The following MIEN1 variants were observed in gnomAD, a reference collection of about 807,000 sequenced individuals.
MIEN1 encodes HBV X-transactivated gene 4 protein.
A neutral mutation model predicts 15.5 loss-of-function variants in MIEN1; 12 were observed. The ratio of observed to expected loss-of-function variants is 0.78; its 90% CI spans 0.50 to 1.26. MIEN1 has a LOEUF of 1.26. Among genes scored for constraint, MIEN1 ranks in the 50% most tolerant of loss-of-function variants. MIEN1 has a pLI of 0.00. For synonymous variants in MIEN1, 63 were observed against 62.8 expected (o/e 1.00, Z -0.02); for missense variants, 160 against 151.7 (o/e 1.05, Z -0.29).
rs1396636001 is a variant in MIEN1 at position 39,729,450 on chromosome 17, G to A, written c.*72C>T. Reference sequence around the variant, plus strand: ...TAAGTAGGGGAAAGAGGCAGGGGGAGCTCCCAGCAGGACCAAAGGGAGACC... The same window carrying A: ...TAAGTAGGGGAAAGAGGCAGGGGGAACTCCCAGCAGGACCAAAGGGAGACC... On this transcript the variant is annotated 3_prime_UTR_variant, in exon 4 of 4. Coordinates refer to ENST00000394231, the MANE Select transcript of MIEN1 (RefSeq NM_032339.5). 5 of 1,588,016 alleles carry A rather than the reference G, an allele frequency of 3.1e-6. No individual in the cohort carries two copies. Among genetic ancestry groups the A allele is most frequent in the Non-Finnish European group, 3.4e-6 (4 of 1,160,994 alleles).
rs1408347903 is a variant in MIEN1, at chr17:39,728,679, T to G, written c.*843A>C. 4.3e-6 allele frequency: 1 copy of G among 230,778 alleles called. No homozygotes were observed. The highest frequency in any genetic ancestry group is 2.2e-5 in the African/African-American group (1 of 45,256). 14.3% of individuals were successfully genotyped at this position (230,778 alleles called of 1,614,324 possible). On this transcript the variant is annotated 3_prime_UTR_variant, in exon 4 of 4. Coordinates refer to ENST00000394231, the MANE Select transcript of MIEN1 (RefSeq NM_032339.5). ...AAACAGCTAGGCACCGGCCTATGTC[T>G]GGGGGTGGCTCTGTGCCATCCCTTC...
At chr17:39,730,062 G>A (rs1261479211) in intron 2 of MIEN1, 132 bp downstream of exon 2, 1 of 905,446 alleles carries the variant, frequency 1.1e-6, no homozygotes, top group Non-Finnish European at 1.7e-6. Context: ...GGGAACTCAT[G>A]TTGGCCGGAC....
At chr17:39,730,110 A>G in intron 2 of MIEN1, 84 bp downstream of exon 2, 1 of 1,334,844 alleles carries the variant, frequency 7.5e-7, no homozygotes, top group Admixed American at 2.0e-5. Flanking sequence ...CACTTTACAT[A>G]AAGCAGCCAA....
In MIEN1 at chr17:39,729,178, A is replaced by G. The variant is rs2059917463; in HGVS notation, c.*344T>C. 3.1e-6 allele frequency: 1 copy of G among 322,890 alleles called. No individual in the cohort carries two copies. Among genetic ancestry groups the G allele is most frequent in the Non-Finnish European group, 5.8e-6 (1 of 172,216 alleles). 20.0% of individuals were successfully genotyped at this position (322,890 alleles called of 1,614,324 possible). Reference sequence around the variant, plus strand: ...GCATTAGTGTTTGTAGCGCCACTTTACTGCCAATAGCTGACATTGCCCTGG... The same window carrying G: ...GCATTAGTGTTTGTAGCGCCACTTTGCTGCCAATAGCTGACATTGCCCTGG... On this transcript the variant is annotated 3_prime_UTR_variant, in exon 4 of 4. Transcript: ENST00000394231.
chr17:39,729,735 G>T lies in MIEN1; in HGVS notation c.214C>A (p.Gln72Lys), dbSNP rs757244848. 3 of 1,614,134 alleles carry T rather than the reference G, an allele frequency of 1.9e-6. No homozygotes were observed. The highest frequency in any genetic ancestry group is 2.5e-6 in the Non-Finnish European group (3 of 1,180,008). The change falls in exon 3 of 4, where the codon CAG becomes AAG. Residue 72 changes from glutamine (Q) to lysine (K), a missense_variant. By Grantham distance (53) the Gln-to-Lys change is moderately conservative. Transcript: ENST00000394231. Reference sequence around the variant, plus strand: ...TTCTCCAGCTTGGAGAACACCAGCTGTCCATTTATCTCTATCTCAAAGGCA... The same window carrying T: ...TTCTCCAGCTTGGAGAACACCAGCTTTCCATTTATCTCTATCTCAAAGGCA... ...TGAFEIEING[Q>K]LVFSKLENGG...
In MIEN1 at chr17:39,730,401, G is replaced by A. The variant is rs1466173014; in HGVS notation, c.89+6C>T. 4 of 1,553,056 alleles carry A rather than the reference G, an allele frequency of 2.6e-6. No individual in the cohort carries two copies. Among genetic ancestry groups the A allele is most frequent in the Admixed American group, 1.9e-5 (1 of 51,286 alleles). On this transcript the variant is annotated splice_donor_region_variant and intron_variant, in intron 1 of 3. Transcript: ENST00000394231. ...GGGTGCGGGTCCTCCAGCCGGGGCC[G>A]CTCACCAGTACTCCACCACGATGCG... is the stretch of plus-strand genomic sequence containing the variant.
Position 39,729,344 on chromosome 17 carries a change from G to T in MIEN1, c.*178C>A. The T allele has an allele frequency of 1.4e-6, 1 of 723,254 alleles. No homozygotes were observed. 44.8% of individuals were successfully genotyped at this position (723,254 alleles called of 1,614,324 possible). On this transcript the variant is annotated 3_prime_UTR_variant, in exon 4 of 4. Transcript: ENST00000394231. ...TGTTCATGGAGAGTGTCTCTCTCCT[G>T]CCCCCAAGGCCACGGAATCTTCTAT...
rs762476135 is a variant in MIEN1, at chr17:39,729,675, A to T, written c.264+10T>A. On this transcript the variant is annotated intron_variant, in intron 3 of 3. Coordinates refer to ENST00000394231, the MANE Select transcript of MIEN1 (RefSeq NM_032339.5). ...GACCAAGAGGTCCTCCCAACGCTGT[A>T]AATACTCACATCTTTCTCATAGGGA... 1 of 1,614,174 alleles carries T rather than the reference A, an allele frequency of 6.2e-7. No individual in the cohort carries two copies. The highest frequency in any genetic ancestry group is 1.7e-5 in the Admixed American group (1 of 60,030).
In MIEN1 at chr17:39,728,767, T is replaced by C. The variant is rs534857278; in HGVS notation, c.*755A>G. The C allele has an allele frequency of 4.7e-6, 1 of 214,202 alleles. No individual in the cohort carries two copies. Among genetic ancestry groups the C allele is most frequent in the Non-Finnish European group, 9.4e-6 (1 of 105,984 alleles). 13.3% of individuals were successfully genotyped at this position (214,202 alleles called of 1,614,324 possible). On this transcript the variant is annotated 3_prime_UTR_variant, in exon 4 of 4. Transcript: ENST00000394231. ...GAGTGGCTGGGAATCTTCAGAAAGC[T>C]TGGATGAGGAGCCAGACATCCAGTT...
chr17:39,729,664 C>T (rs2059922989), intron 3 of MIEN1, 21 bp downstream of exon 3: 1 of 1,614,164 alleles, frequency 6.2e-7, no homozygotes, highest in African/African-American at 1.3e-5. Flanking sequence ...AAGAGGTCCT[C>T]CCAACGCTGT....
At chr17:39,729,901 C>T in intron 2 of MIEN1, 140 bp from the exon 3 acceptor site, 1 of 1,132,610 alleles carries the variant, frequency 8.8e-7, no homozygotes, top group South Asian at 1.4e-5. Context: ...AATTCCCCAA[C>T]CCTGGGTCAA....
intron 2 of MIEN1, 146 bp from the exon 3 acceptor site, chr17:39,729,907 G>A: frequency 9.4e-7 from 1 of 1,062,684 alleles, no homozygotes; most frequent in Non-Finnish European, 1.4e-6. Context: ...CCAACCCTGG[G>A]TCAACTCCAG....
rs2059926273 is a variant in MIEN1 at position 39,729,929 on chromosome 17, G to A, written c.188-168C>T. On this transcript the variant is annotated intron_variant, in intron 2 of 3. Coordinates refer to ENST00000394231, the MANE Select transcript of MIEN1 (RefSeq NM_032339.5). ...TGGGTCAACTCCAGGGAACCTGAGG[G>A]AGGCCTCGCCTGTGTGCCCCTCGCA... 7 of 865,140 alleles carry A rather than the reference G, an allele frequency of 8.1e-6. No homozygotes were observed. In the South Asian group the frequency reaches 1.2e-4, roughly 14 times the overall value. The allele number at this position is 865,140 out of a possible 1,614,324, so 53.6% of individuals were successfully genotyped here.
Position 39,730,439 on chromosome 17 carries a change from C to G in MIEN1, c.57G>C (p.Pro19=). 2 of 1,551,606 alleles carry G rather than the reference C, an allele frequency of 1.3e-6. No homozygotes were observed. Among genetic ancestry groups the G allele is most frequent in the Non-Finnish European group, 1.7e-6 (2 of 1,149,158 alleles). Residue 19 remains proline (P), a synonymous_variant, in exon 1 of 4, where the codon CCG becomes CCC. Coordinates refer to ENST00000394231, the MANE Select transcript of MIEN1 (RefSeq NM_032339.5). ...SVAPPPEEVE[P]GSGVRIVVEY... is the part of the protein sequence containing the mutation. ...CCACCACGATGCGGACCCCACTGCC[C>G]GGCTCGACCTCCTCGGGAGGGGGCG...
rs1348431995 is a variant in MIEN1, at chr17:39,730,489, C to T, written c.7G>A (p.Gly3Arg). The change falls in exon 1 of 4, where the codon GGG becomes AGG. Residue 3 changes from glycine to arginine, a missense_variant. Coordinates refer to ENST00000394231, the MANE Select transcript of MIEN1 (RefSeq NM_032339.5). MSGEPGQTSVAPP... is the reference protein window; with the variant it reads MSREPGQTSVAPP... ...GCTACGGACGTCTGCCCCGGCTCCC[C>T]GCTCATCGCGGCCGGCTCCGCTCGG... 6.5e-7 allele frequency: 1 copy of T among 1,533,880 alleles called. No homozygotes were observed. The highest frequency in any genetic ancestry group is 8.7e-7 in the Non-Finnish European group (1 of 1,143,956).
At position 39,729,528 on chromosome 17, in the gene MIEN1, G is replaced by A. The variant is rs773206276; in HGVS notation, c.342C>T (p.Ile114=). The A allele has an allele frequency of 6.8e-6, 11 of 1,613,628 alleles. No individual in the cohort carries two copies. The highest frequency in any genetic ancestry group is 7.6e-6 in the Non-Finnish European group (9 of 1,180,038). The change falls in exon 4 of 4, where the codon ATC becomes ATT. Residue 114 remains isoleucine (I), a synonymous_variant. Coordinates refer to ENST00000394231, the MANE Select transcript of MIEN1 (RefSeq NM_032339.5). ...AACCCAGAGTCCTGTGCAGTCACAG[G>A]ATGACGCAGGGAGGACGGCTGTTGG... The part of the protein sequence containing the change: ...KITNSRPPCV[I]L
chr17:39,730,272 C>T lies in MIEN1; in HGVS notation c.109G>A (p.Ala37Thr), dbSNP rs1405851803. The change falls in exon 2 of 4, where the codon GCG (alanine) becomes ACG (threonine). Residue 37 changes from alanine to threonine, a missense_variant. Transcript: ENST00000394231. The stretch of plus-strand genomic sequence containing the variant: ...GCACTGGCCAGCTCCAGGTAGGTCG[C>T]CTCGAAGCCGCAGGGTTCACTGGGG... ...VEYCEPCGFE[A>T]TYLELASAVK... The T allele has an allele frequency of 1.2e-6, 2 of 1,608,422 alleles. No homozygotes were observed. Among genetic ancestry groups the T allele is most frequent in the Non-Finnish European group, 8.5e-7 (1 of 1,179,210 alleles).
chr17:39,730,223 A>G lies in MIEN1; in HGVS notation c.158T>C (p.Ile53Thr). ...GCCCCCGAGGCGCGACTCGATCTCGATGCCCGGATACTGCTCCTTCACAGC... is the reference window on the plus strand; with the variant it reads ...GCCCCCGAGGCGCGACTCGATCTCGGTGCCCGGATACTGCTCCTTCACAGC... ...ASAVKEQYPG[I>T]EIESRLGGTG... The change falls in exon 2 of 4, where the codon ATC becomes ACC. Residue 53 changes from isoleucine to threonine, a missense_variant. By Grantham distance (89) the Ile-to-Thr change is moderately conservative. Transcript: ENST00000394231. The G allele has an allele frequency of 6.2e-7, 1 of 1,607,766 alleles. No homozygotes were observed. The highest frequency in any genetic ancestry group is 8.5e-7 in the Non-Finnish European group (1 of 1,179,410).
At position 39,729,670 on chromosome 17, in the gene MIEN1, G is replaced by A. The variant is rs959172910; in HGVS notation, c.264+15C>T. ...AGGGTGACCAAGAGGTCCTCCCAAC[G>A]CTGTAAATACTCACATCTTTCTCAT... On this transcript the variant is annotated intron_variant, in intron 3 of 3. Transcript: ENST00000394231. The A allele has an allele frequency of 2.5e-5, 40 of 1,614,026 alleles. No individual in the cohort carries two copies. The highest frequency in any genetic ancestry group is 3.1e-5 in the Non-Finnish European group (36 of 1,180,004).
Sources: allele counts gnomAD v4.1 joint callset, GRCh38; gene constraint gnomAD v4.1.1; transcripts MANE v1.5; gene names NCBI Gene and HGNC (gene_info 2026-07-23, HGNC 2026-07-21).